GRM7: variants seen among roughly 807,000 people sequenced by gnomAD.
GRM7 encodes metabotropic glutamate receptor 7.
GRM7 carries 35 observed loss-of-function variants against 84.5 expected under a neutral mutation model. The observed-to-expected ratio is 0.41, with a 90% CI of 0.32 to 0.55. The LOEUF is 0.55. Among genes scored for constraint, GRM7 ranks in the 20% least tolerant of loss-of-function variants. GRM7 has a pLI of 0.19. For synonymous variants in GRM7, 487 were observed against 455.1 expected (o/e 1.07, Z -0.89); for missense variants, 1,003 against 1,194.6 (o/e 0.84, Z 2.36).
chr3:7,323,359 C>T (rs1295265457), intron 4 of GRM7, among the ~76,000 whole-genome samples: 2 of 152,130 alleles, frequency 1.3e-5, no homozygotes, highest in African/African-American at 2.4e-5. Flanking sequence ...AGCCCCTCTC[C>T]ACCCCATAAC....
chr3:7,424,632 A>T (rs948959264), intron 5 of GRM7, among the ~76,000 whole-genome samples: 2 of 152,198 alleles, frequency 1.3e-5, no homozygotes, highest in Non-Finnish European at 2.9e-5. Flanking sequence ...ACATACACTC[A>T]TTTAATCATG....
chr3:6,966,155 A>C (rs889174705), intron 1 of GRM7, among the ~76,000 whole-genome samples: 2 of 152,018 alleles, frequency 1.3e-5, no homozygotes, highest in Non-Finnish European at 2.9e-5. Context: ...TGACTCCATC[A>C]GTATGAGCTA....
At chr3:7,383,268 A>G (rs1376499683) in intron 4 of GRM7, among the ~76,000 whole-genome samples, 2 of 152,234 alleles carry the variant, frequency 1.3e-5, no homozygotes, top group African/African-American at 4.8e-5. Flanking sequence ...AGAAGTGCTC[A>G]GACTATTGAG....
chr3:7,017,864 G>A lies in GRM7; in HGVS notation c.520-128588G>A, dbSNP rs1695632247. On this transcript the variant is annotated intron_variant, in intron 1 of 9. Coordinates refer to ENST00000357716, the MANE Select transcript of GRM7 (RefSeq NM_000844.4). ...AGTTAATGTTAACTGAATGAGCATA[G>A]TGAAGATAAAATGAGACATATAATC... Among the ~76,000 whole-genome samples, 3 of 152,304 alleles carry A rather than the reference G, an allele frequency of 2.0e-5. No individual in the cohort carries two copies. In the South Asian group the frequency reaches 6.2e-4, roughly 32 times the overall value.
At chr3:7,191,464 C>T (rs910511438) in intron 2 of GRM7, among the ~76,000 whole-genome samples, 3 of 151,994 alleles carry the variant, frequency 2.0e-5, no homozygotes, top group Non-Finnish European at 2.9e-5. Context: ...ATTCTATGCA[C>T]ATATTTATTG....
intron 7 of GRM7, among the ~76,000 whole-genome samples, chr3:7,516,756 T>G (rs901734807): frequency 1.5e-4 from 23 of 152,240 alleles, no homozygotes; most frequent in African/African-American, 5.5e-4. Flanking sequence ...TCTTTGAAGG[T>G]TATTGCCACC....
In GRM7 at chr3:7,579,091, A is replaced by G. The variant is rs779427907; in HGVS notation, c.2185A>G (p.Ile729Val). The G allele has an allele frequency of 1.2e-6, 2 of 1,614,080 alleles. No homozygotes were observed. The highest frequency in any genetic ancestry group is 2.2e-5 in the South Asian group (2 of 91,080). Residue 729 changes from isoleucine to valine, a missense_variant, in exon 8 of 10, where the codon ATC becomes GTC. Around this residue, in one of 2 missense-constraint regions of GRM7, gnomAD observed 910 missense variants for 1,126.0 expected, o/e 0.81. Transcript: ENST00000357716. ...GTTTGGTGTTGATCCACCCAACATC[A>G]TCATAGACTATGATGAACACAAGAC... ...IWFGVDPPNI[I>V]IDYDEHKTMN...
rs143127840 is a variant in GRM7, at chr3:7,016,404, A to C, written c.520-130048A>C. 2.0e-5 allele frequency among the ~76,000 whole-genome samples: 3 copies of C among 152,260 alleles called. No individual in the cohort carries two copies. The South Asian group carries it at 6.2e-4, about 32-fold the overall frequency. On this transcript the variant is annotated intron_variant, in intron 1 of 9. Transcript: ENST00000357716. ...GCTGACTGAAATTCGGGGTTTATAT[A>C]GCTAGAGAGGTGATGTAGCTGCGTG...
chr3:7,695,850 C>G (rs1484381923), intron 9 of GRM7, among the ~76,000 whole-genome samples: 2 of 152,158 alleles, frequency 1.3e-5, no homozygotes, highest in Non-Finnish European at 2.9e-5. Context: ...TCCTTAATGA[C>G]TATCATCAAC....
At chr3:7,579,936 C>T (rs544504396) in intron 8 of GRM7, among the ~76,000 whole-genome samples, 1 of 152,296 alleles carries the variant, frequency 6.6e-6, no homozygotes, top group African/African-American at 2.4e-5. Context: ...CATAGGCTCC[C>T]TACAACTAGA....
At chr3:7,029,570 T>G (rs1339896660) in intron 1 of GRM7, among the ~76,000 whole-genome samples, 2 of 152,224 alleles carry the variant, frequency 1.3e-5, no homozygotes, top group East Asian at 3.9e-4. Flanking sequence ...AAATGAACCT[T>G]GAAGTACCTT....
At chr3:7,140,264 G>A (rs1286850427) in intron 1 of GRM7, among the ~76,000 whole-genome samples, 1 of 152,006 alleles carries the variant, frequency 6.6e-6, no homozygotes, top group African/African-American at 2.4e-5. Flanking sequence ...CTAAAGGTAG[G>A]TAGTATGTCA....
At chr3:7,317,398 G>C (rs559867380) in intron 4 of GRM7, among the ~76,000 whole-genome samples, 18 of 152,192 alleles carry the variant, frequency 1.2e-4, no homozygotes, top group African/African-American at 4.1e-4. Flanking sequence ...TAATAATACT[G>C]TCCTCTAGAA....
chr3:6,885,148 G>T (rs1377268115), intron 1 of GRM7, among the ~76,000 whole-genome samples: 1 of 152,088 alleles, frequency 6.6e-6, no homozygotes, highest in Admixed American at 6.6e-5. Flanking sequence ...AGCCCGAGAG[G>T]GTTCTTAGCT....
At chr3:7,694,392 T>C (rs896135223) in intron 9 of GRM7, 37 of 947,210 alleles carry the variant, frequency 3.9e-5, no homozygotes, top group Non-Finnish European at 4.5e-5. Context: ...CCATCTGATA[T>C]TCTTCTATTT....
chr3:7,647,908 A>G (rs1438281671), intron 8 of GRM7, among the ~76,000 whole-genome samples: 2 of 152,188 alleles, frequency 1.3e-5, no homozygotes, highest in East Asian at 3.8e-4. Context: ...TTGAGATGCT[A>G]TCCACTTCCA....
chr3:7,086,286 G>A (rs1698456536), intron 1 of GRM7, among the ~76,000 whole-genome samples: 1 of 152,098 alleles, frequency 6.6e-6, no homozygotes, highest in African/African-American at 2.4e-5. Flanking sequence ...TAATATGCAT[G>A]AGGGTATATG....
At chr3:7,638,737 C>T (rs1031063888) in intron 8 of GRM7, among the ~76,000 whole-genome samples, 6 of 152,278 alleles carry the variant, frequency 3.9e-5, no homozygotes, top group African/African-American at 1.4e-4. Context: ...GAAAGATGGT[C>T]ATAATATCAA....
chr3:7,229,755 ATATATT>A (rs1697119676), intron 2 of GRM7, among the ~76,000 whole-genome samples: 7 of 28,484 alleles, frequency 2.5e-4, no homozygotes, highest in Non-Finnish European at 3.2e-4. Flanking sequence ...ATATATATAT[ATATATT>A]TTTTTTTTTT....
Sources: gnomAD v4.1 joint callset for allele counts (sites outside exome capture counted in the v4.1 genomes callset) on GRCh38, gnomAD v4.1.1 for gene constraint, gnomAD v4.1.1 regional missense constraint, MANE v1.5 for transcripts, NCBI Gene and HGNC (gene_info 2026-07-23, HGNC 2026-07-21) for gene names.